Variants in SMARCD3 observed in about 807,000 individuals in gnomAD.
SMARCD3 encodes SWI/SNF related BAF chromatin remodeling complex subunit D3, also known as SWI/SNF-related matrix-associated actin-dependent regulator of chromatin subfamily D member 3.
In SMARCD3, 14 loss-of-function variants were observed where a neutral mutation model predicts 58.0. The observed-to-expected ratio is 0.24, with a 90% CI of 0.16 to 0.38. The LOEUF is 0.38. Ranked by LOEUF, SMARCD3 falls within the 10% of genes least tolerant of loss-of-function variation. The pLI, the probability that SMARCD3 is intolerant of heterozygous loss-of-function variation, is 1.00. For missense variants in SMARCD3, 408 were observed against 636.9 expected, an observed-to-expected ratio of 0.64 and a Z score of 3.87; for synonymous variants, 253 against 253.8, an observed-to-expected ratio of 1.00 and a Z score of 0.03.
chr7:151,263,905 G>A (rs1415600417), intron 2 of SMARCD3, among the ~76,000 whole-genome samples: 2 of 152,182 alleles, frequency 1.3e-5, no homozygotes, highest in Admixed American at 6.5e-5. Flanking sequence ...TCACAGGGGT[G>A]ACTCCACCTT....
chr7:151,254,513 G>C (rs1255015761), intron 2 of SMARCD3: 1 of 152,588 alleles, frequency 6.6e-6, no homozygotes, highest in Non-Finnish European at 1.5e-5. Context: ...GCAAGGCACA[G>C]AGTGCTGCCC....
exon 2 of SMARCD3, chr7:151,275,233 C>A: frequency 8.4e-7 from 1 of 1,192,508 alleles, no homozygotes; most frequent in Non-Finnish European, 1.2e-6. Context: ...CCTGCAGCAC[C>A]AAGGGCCATT....
At position 151,267,335 on chromosome 7, in the gene SMARCD3, A is replaced by G. The variant is rs980877229; in HGVS notation, c.39+7779T>C. On this transcript the variant is annotated intron_variant, in intron 2 of 13. Transcript: ENST00000356800. ...GAACACAAGGCGTAGAGAGTTCTTTAAAGACTGATTCAGAGCTGGAGAGCG... is the reference window on the plus strand; with the variant it reads ...GAACACAAGGCGTAGAGAGTTCTTTGAAGACTGATTCAGAGCTGGAGAGCG... Among the ~76,000 whole-genome samples the G allele has an allele frequency of 8.5e-5, 13 of 152,242 alleles. 1 individual carries two copies. The highest frequency in any genetic ancestry group is 3.1e-4 in the African/African-American group (13 of 41,468).
At chr7:151,258,519 T>G (rs1463880281) in intron 2 of SMARCD3, among the ~76,000 whole-genome samples, 1 of 149,334 alleles carries the variant, frequency 6.7e-6, no homozygotes, top group Non-Finnish European at 1.5e-5. Flanking sequence ...GAGCCAAGAT[T>G]TCGCCACTGC....
intron 2 of SMARCD3, among the ~76,000 whole-genome samples, chr7:151,264,082 A>G (rs577805064): frequency 2.1e-5 from 3 of 142,998 alleles, no homozygotes; most frequent in East Asian, 2.0e-4. Context: ...TTTTTGAGAC[A>G]TAGTCTCACT....
rs147803665 is a variant in SMARCD3 at position 151,244,916 on chromosome 7, G to C, written c.290+544C>G. Among the ~76,000 whole-genome samples the C allele has an allele frequency of 6.1e-3, 922 of 152,244 alleles. 5 individuals carry two copies. Among genetic ancestry groups the C allele is most frequent in the African/African-American group, 0.021 (865 of 41,524 alleles). ...GCCCTGGTGGCTTGAGAGCAGACCT[G>C]GGCCAGAGTGCCTAAGAATTAAGAG... On this transcript the variant is annotated intron_variant, in intron 2 of 12. Transcript: ENST00000262188.
upstream of SMARCD3, among the ~76,000 whole-genome samples, chr7:151,251,348 C>A (rs1021085351): frequency 6.6e-6 from 1 of 152,202 alleles, no homozygotes; most frequent in African/African-American, 2.4e-5. Context: ...CCAATACAAG[C>A]ACCAAAAGGT....
At chr7:151,259,610 T>G (rs1269074131) in intron 2 of SMARCD3, among the ~76,000 whole-genome samples, 1 of 118,170 alleles carries the variant, frequency 8.5e-6, no homozygotes, top group African/African-American at 4.0e-5. Flanking sequence ...AGTTTTTTTT[T>G]TTTTTTTTTT....
At position 151,240,247 on chromosome 7, in the gene SMARCD3, G is replaced by A. The variant is rs144994525; in HGVS notation, c.1038C>T (p.Ser346=). Residue 346 remains serine (S), a splice_region_variant and synonymous_variant, in exon 10 of 13, where the codon AGC becomes AGT. Coordinates refer to ENST00000262188, the MANE Select transcript of SMARCD3 (RefSeq NM_001003801.2). Reference sequence around the variant, plus strand: ...TCTTCTTCTGGTCTGAAGGGTCCACGCTGCCAGGGAAGTCCAGCCCTTCGT... The same window carrying A: ...TCTTCTTCTGGTCTGAAGGGTCCACACTGCCAGGGAAGTCCAGCCCTTCGT... The part of the protein sequence containing the change: ...PDPIVINHVI[S]VDPSDQKKTA... The A allele has an allele frequency of 1.1e-4, 183 of 1,613,900 alleles. 1 individual carries two copies. The African/African-American group carries it at 2.1e-3, about 18-fold the overall frequency.
At chr7:151,247,055 G>A (rs1050173271) in intron 1 of SMARCD3, among the ~76,000 whole-genome samples, 1 of 152,054 alleles carries the variant, frequency 6.6e-6, no homozygotes. Context: ...AGCTGTCTCT[G>A]CCTATCTCTC....
rs537009776 is a variant in SMARCD3, at chr7:151,259,470, T to C, written c.40-13799A>G. Among the ~76,000 whole-genome samples the C allele has an allele frequency of 4.6e-5, 7 of 151,320 alleles. No individual in the cohort carries two copies. In the East Asian group the frequency reaches 1.4e-3, roughly 29 times the overall value. On this transcript the variant is annotated intron_variant, in intron 2 of 13. Transcript: ENST00000356800. ...GCTTTTTATCTGTTTTCTTCACTGCTAAATCCCAAGTACCTGGCACATGGC... is the reference window on the plus strand; with the variant it reads ...GCTTTTTATCTGTTTTCTTCACTGCCAAATCCCAAGTACCTGGCACATGGC...
At chr7:151,270,490 A>C (rs990539498) in intron 2 of SMARCD3, among the ~76,000 whole-genome samples, 1 of 152,162 alleles carries the variant, frequency 6.6e-6, no homozygotes, top group Admixed American at 6.5e-5. Context: ...GCCTTTAAGG[A>C]GCCCTGCAAC....
chr7:151,256,180 CT>C lies in SMARCD3; in HGVS notation c.40-10510del, dbSNP rs79100193. On this transcript the variant is annotated intron_variant, in intron 2 of 13. Coordinates refer to the SMARCD3 transcript ENST00000356800. Reference sequence around the variant, plus strand: ...TACAGGCATGAGCCACTGCGCCTGGCTTTTTTTTTTTTTATTTTTGAAACAG... The same window carrying C: ...TACAGGCATGAGCCACTGCGCCTGGCTTTTTTTTTTTTATTTTTGAAACAG... 4.2e-3 allele frequency among the ~76,000 whole-genome samples: 597 copies of C among 140,802 alleles called. 6 individuals are homozygous for C. Among genetic ancestry groups the C allele is most frequent in the South Asian group, 0.033 (145 of 4,378 alleles). The allele number at this position is 140,802 out of a possible 152,430, so 92.4% of individuals were successfully genotyped here.
chr7:151,241,919 G>T lies in SMARCD3; in HGVS notation c.735C>A (p.Asp245Glu). The T allele has an allele frequency of 6.2e-7, 1 of 1,612,972 alleles. No homozygotes were observed. The highest frequency in any genetic ancestry group is 8.5e-7 in the Non-Finnish European group (1 of 1,179,576). ...GGAGCAGCGTGCAGCGCACACTCAGGTCCCCAGGCCGTTTCACCTGGAAGC... is the reference window on the plus strand; with the variant it reads ...GGAGCAGCGTGCAGCGCACACTCAGTTCCCCAGGCCGTTTCACCTGGAAGC... ...TDGFQVKRPGDLSVRCTLLLM... is the reference protein window; with the variant it reads ...TDGFQVKRPGELSVRCTLLLM... The change falls in exon 7 of 13, where the codon GAC becomes GAA. Residue 245 changes from aspartate to glutamate, a missense_variant. Around this residue, in one of 4 missense-constraint regions of SMARCD3, gnomAD observed 115 missense variants for 257.2 expected, o/e 0.45. Transcript: ENST00000262188. This position sits in a 1 kb window ranked among gnomAD's most constrained non-coding sequence, Gnocchi z 5.3.
chr7:151,259,619 T>G (rs1451519233), intron 2 of SMARCD3, among the ~76,000 whole-genome samples: 1 of 137,642 alleles, frequency 7.3e-6, no homozygotes, highest in African/African-American at 2.9e-5. Context: ...TTTTTTTTTT[T>G]TTTTTTTGAG....
At chr7:151,261,940 G>A (rs1467122205) in intron 2 of SMARCD3, among the ~76,000 whole-genome samples, 1 of 152,220 alleles carries the variant, frequency 6.6e-6, no homozygotes, top group African/African-American at 2.4e-5. Flanking sequence ...TCCTTGGGCA[G>A]AGAGCAGCCA....
In SMARCD3 at chr7:151,248,204, AC is replaced by A. The variant is rs1803365883; in HGVS notation, c.78+280del. ...AGTCAACCTGTCGGCTACAGCGAGG[AC>A]CCCCTACTTGGGGGGTAGAGTCCCC... On this transcript the variant is annotated intron_variant, in intron 1 of 12. Transcript: ENST00000262188. This position sits in a 1 kb window ranked among gnomAD's most constrained non-coding sequence, Gnocchi z 6.1. Among the ~76,000 whole-genome samples the A allele has an allele frequency of 6.8e-6, 1 of 147,266 alleles. No homozygotes were observed. The highest frequency in any genetic ancestry group is 2.5e-5 in the African/African-American group (1 of 39,564).
At position 151,248,216 on chromosome 7, in the gene SMARCD3, G is replaced by C. The variant is rs1036067539; in HGVS notation, c.78+269C>G. 5.9e-5 allele frequency among the ~76,000 whole-genome samples: 9 copies of C among 151,908 alleles called. No individual in the cohort carries two copies. Among genetic ancestry groups the C allele is most frequent in the African/African-American group, 2.2e-4 (9 of 41,358 alleles). Reference sequence around the variant, plus strand: ...GGCTACAGCGAGGACCCCCTACTTGGGGGGTAGAGTCCCCAAGTCCCACCC... The same window carrying C: ...GGCTACAGCGAGGACCCCCTACTTGCGGGGTAGAGTCCCCAAGTCCCACCC... On this transcript the variant is annotated intron_variant, in intron 1 of 12. Coordinates refer to ENST00000262188, the MANE Select transcript of SMARCD3 (RefSeq NM_001003801.2). This position sits in a 1 kb window ranked among gnomAD's most constrained non-coding sequence, Gnocchi z 6.1.
rs537512614 is a variant in SMARCD3 at position 151,259,127 on chromosome 7, A to G, written c.40-13456T>C. 1.8e-4 allele frequency among the ~76,000 whole-genome samples: 28 copies of G among 151,530 alleles called. No homozygotes were observed. In the South Asian group the frequency reaches 3.4e-3, roughly 18 times the overall value. On this transcript the variant is annotated intron_variant, in intron 2 of 13. Transcript: ENST00000356800. ...AACACTTTGGGAAGCTAAGGTGGGT[A>G]GATCACCTGAGGTCAGGAGTTCGAG...
Sources: gnomAD v4.1 joint callset for allele counts (sites outside exome capture counted in the v4.1 genomes callset) on GRCh38, gnomAD v4.1.1 for gene constraint, gnomAD v4.1.1 regional missense constraint, Gnocchi (gnomAD v3.1) non-coding constraint, MANE v1.5 for transcripts, NCBI Gene and HGNC (gene_info 2026-07-23, HGNC 2026-07-21) for gene names.